The following OCA2 variants were observed in gnomAD, a reference collection of about 807,000 sequenced individuals.
The protein encoded by OCA2 is OCA2 melanosomal transmembrane protein.
OCA2 carries 77 observed loss-of-function variants against 100.2 expected under a neutral mutation model. That is an observed-to-expected ratio of 0.77 (90% CI 0.64 to 0.93). The LOEUF (loss-of-function observed/expected upper bound fraction) is 0.93. OCA2 is among the 40% of genes least tolerant of loss of function. The pLI, the probability that OCA2 is intolerant of heterozygous loss-of-function variation, is 0.00. For missense variants in OCA2, 1,062 were observed against 1,089.1 expected, an observed-to-expected ratio of 0.98 and a Z score of 0.35; for synonymous variants, 432 against 439.2, an observed-to-expected ratio of 0.98 and a Z score of 0.21.
chr15:27,937,828 G>T (rs1595682070), intron 18 of OCA2, among the ~76,000 whole-genome samples: 1 of 152,078 alleles, frequency 6.6e-6, no homozygotes, highest in Admixed American at 6.6e-5. Context: ...TGTGACAATG[G>T]ATGCTTTTGC....
chr15:27,903,575 G>A (rs1292332472), intron 19 of OCA2, among the ~76,000 whole-genome samples: 1 of 152,174 alleles, frequency 6.6e-6, no homozygotes, highest in Non-Finnish European at 1.5e-5. Flanking sequence ...GGAAAGTCCC[G>A]GGCTTCCCCC....
the OCA2 span, among the ~76,000 whole-genome samples, chr15:27,738,280 G>T: frequency 6.6e-6 from 1 of 152,048 alleles, no homozygotes; most frequent in Non-Finnish European, 1.5e-5. Context: ...AACCACAGAT[G>T]GTAAATAAAC....
chr15:27,991,589 G>A (rs1040198022), intron 9 of OCA2, among the ~76,000 whole-genome samples: 2 of 152,132 alleles, frequency 1.3e-5, no homozygotes, highest in Non-Finnish European at 2.9e-5. Flanking sequence ...GACTGGAAAC[G>A]GGTCCCAGGG....
chr15:27,762,364 C>T (rs2030909430), intron 23 of OCA2, among the ~76,000 whole-genome samples: 1 of 152,164 alleles, frequency 6.6e-6, no homozygotes, highest in Admixed American at 6.5e-5. Context: ...CACCATAAAT[C>T]TTATTCAAGG....
intron 18 of OCA2, among the ~76,000 whole-genome samples, chr15:27,933,545 A>C (rs1329101138): frequency 2.0e-5 from 3 of 152,192 alleles, no homozygotes; most frequent in African/African-American, 7.2e-5. Context: ...GGTGCAGGCG[A>C]GCTGAGTTCG....
At position 27,955,222 on chromosome 15, in the gene OCA2, G is replaced by C. The variant is rs375281082; in HGVS notation, c.1785-7C>G. 1.7e-4 allele frequency: 270 copies of C among 1,597,878 alleles called. No homozygotes were observed. Among genetic ancestry groups the C allele is most frequent in the Non-Finnish European group, 2.2e-4 (251 of 1,165,290 alleles). On this transcript the variant is annotated splice_polypyrimidine_tract_variant and splice_region_variant and intron_variant, in intron 16 of 23. Transcript: ENST00000354638. ...GTCCTCCTGTGAGATCTGTCTAAAA[G>C]AGAAAAGAAGAGACTCATTACTTCC...
At chr15:27,990,131 G>C (rs537135742) in intron 10 of OCA2, among the ~76,000 whole-genome samples, 2 of 152,254 alleles carry the variant, frequency 1.3e-5, no homozygotes, top group South Asian at 2.1e-4. Flanking sequence ...CCCTGCCAGA[G>C]AGGCCCTGCT....
chr15:27,798,364 G>A (rs559105477), intron 23 of OCA2, among the ~76,000 whole-genome samples: 6 of 152,250 alleles, frequency 3.9e-5, no homozygotes, highest in South Asian at 2.1e-4. Context: ...AAATTCTACC[G>A]TAGGAGAGGA....
At chr15:27,989,754 CCACT>C in intron 10 of OCA2, 88 bp from the exon 11 acceptor site, 1 of 1,198,262 alleles carries the variant, frequency 8.3e-7, no homozygotes, top group Non-Finnish European at 1.2e-6. Flanking sequence ...TGCTGCAGAC[CCACT>C]CAGTGGGCGG....
Position 27,755,485 on chromosome 15 carries a change from G to A in OCA2, c.2433-13C>T, listed in dbSNP as rs748548797. The A allele has an allele frequency of 2.5e-6, 4 of 1,603,694 alleles. No homozygotes were observed. The highest frequency in any genetic ancestry group is 1.7e-4 in the Middle Eastern group (1 of 6,048). On this transcript the variant is annotated splice_polypyrimidine_tract_variant and intron_variant, in intron 23 of 23. Coordinates refer to ENST00000354638, the MANE Select transcript of OCA2 (RefSeq NM_000275.3). ...TGGGAAGCCCAGCCTGAAATACAAA[G>A]AGAAATGAGTTATGGCATCTGAAAT... is the stretch of plus-strand genomic sequence containing the variant.
intron 23 of OCA2, among the ~76,000 whole-genome samples, chr15:27,811,664 C>T (rs895942410): frequency 2.6e-5 from 4 of 151,848 alleles, no homozygotes; most frequent in African/African-American, 9.7e-5. Flanking sequence ...ACCTTTTTGC[C>T]CTCTCTGTAG....
Position 28,022,621 on chromosome 15 carries a change from G to C in OCA2, c.574-48C>G, listed in dbSNP as rs866856006. 12 of 1,385,394 alleles carry C rather than the reference G, an allele frequency of 8.7e-6. 1 individual carries two copies. The highest frequency in any genetic ancestry group is 3.6e-4 in the Middle Eastern group (2 of 5,616). The allele number at this position is 1,385,394 out of a possible 1,614,324, so 85.8% of individuals were successfully genotyped here. On this transcript the variant is annotated intron_variant, in intron 5 of 23. Coordinates refer to ENST00000354638, the MANE Select transcript of OCA2 (RefSeq NM_000275.3). Reference sequence around the variant, plus strand: ...ATGACAGAGGTGTGGTATGAGAGCAGTAAGGTATAAATCATTTTGATAACA... The same window carrying C: ...ATGACAGAGGTGTGGTATGAGAGCACTAAGGTATAAATCATTTTGATAACA...
At chr15:27,912,717 G>C (rs1272732352) in intron 19 of OCA2, among the ~76,000 whole-genome samples, 2 of 152,132 alleles carry the variant, frequency 1.3e-5, no homozygotes, top group Non-Finnish European at 2.9e-5. Context: ...TAGAGGCAAA[G>C]AGCTACTGAC....
chr15:28,070,042 C>T (rs2044179379), intron 2 of OCA2, among the ~76,000 whole-genome samples: 2 of 111,962 alleles, frequency 1.8e-5, no homozygotes, highest in South Asian at 6.1e-4. Context: ...TGGGGAGCGC[C>T]TCTGCCCCGC....
chr15:27,751,908 T>C (rs1483763148), downstream of OCA2, among the ~76,000 whole-genome samples: 1 of 152,246 alleles, frequency 6.6e-6, no homozygotes, highest in Non-Finnish European at 1.5e-5. Flanking sequence ...GAACTTGGGC[T>C]GTGCGTCACA....
Position 28,018,456 on chromosome 15 carries a change from T to C in OCA2, c.748A>G (p.Ile250Val), listed in dbSNP as rs555796333. Residue 250 changes from isoleucine to valine, a missense_variant, in exon 7 of 24, where the codon ATC becomes GTC. Coordinates refer to ENST00000354638, the MANE Select transcript of OCA2 (RefSeq NM_000275.3). ...GPSRPGREEH[I>V]VVELTQADAL... is the part of the protein sequence containing the mutation. ...TCAGCCTGGGTCAGCTCCACCACGA[T>C]GTGCTCTTCCCTCCCAGGACGACTC... 2.3e-5 allele frequency: 37 copies of C among 1,614,100 alleles called. No homozygotes were observed. In the South Asian group the frequency reaches 3.1e-4, roughly 13 times the overall value.
chr15:27,828,661 A>T (rs983532894), intron 23 of OCA2, among the ~76,000 whole-genome samples: 2 of 152,142 alleles, frequency 1.3e-5, no homozygotes, highest in African/African-American at 2.4e-5. Context: ...ACCTCCGAAA[A>T]TCTGTATTAT....
intron 18 of OCA2, among the ~76,000 whole-genome samples, chr15:27,933,315 C>A (rs528190994): frequency 8.3e-6 from 1 of 120,350 alleles, no homozygotes; most frequent in South Asian, 2.8e-4. Context: ...CAGAAATAAA[C>A]AAATGTGATT....
At chr15:27,801,154 C>A (rs1251486514) in intron 23 of OCA2, among the ~76,000 whole-genome samples, 1 of 152,162 alleles carries the variant, frequency 6.6e-6, no homozygotes, top group Non-Finnish European at 1.5e-5. Context: ...CATAATTACC[C>A]TACTATGAAA....
Sources: gnomAD v4.1 joint callset for allele counts (sites outside exome capture counted in the v4.1 genomes callset) on GRCh38, gnomAD v4.1.1 for gene constraint, MANE v1.5 for transcripts, NCBI Gene and HGNC (gene_info 2026-07-23, HGNC 2026-07-21) for gene names.